Variants in GRIK1 observed in about 807,000 individuals in gnomAD.
GRIK1 encodes the protein glutamate ionotropic receptor kainate type subunit 1.
In GRIK1, 69 loss-of-function variants were observed where a neutral mutation model predicts 105.7. The ratio of observed to expected loss-of-function variants is 0.65; its 90% CI spans 0.54 to 0.80. The LOEUF is 0.80. Among genes scored for constraint, GRIK1 ranks in the 30% least tolerant of loss-of-function variants. The probability of loss-of-function intolerance (pLI) is 0.00; values close to 1 mark genes in which losing one functional copy is unlikely to be tolerated. For synonymous variants in GRIK1, 438 were observed against 431.3 expected (o/e 1.02, Z -0.19); for missense variants, 1,109 against 1,167.3 (o/e 0.95, Z 0.73).
chr21:29,644,647 G>A (rs75658509), intron 6 of GRIK1, among the ~76,000 whole-genome samples: 21,927 of 152,060 alleles, frequency 0.14, 1,618 homozygotes, highest in African/African-American at 0.17. Context: ...TAAGGCTCAT[G>A]GAAATTGACC....
chr21:29,906,287 G>A (rs1241892967), intron 1 of GRIK1, among the ~76,000 whole-genome samples: 1 of 152,114 alleles, frequency 6.6e-6, no homozygotes, highest in Non-Finnish European at 1.5e-5. Flanking sequence ...AAAAGAAACA[G>A]CTGAGAAAGC....
intron 16 of GRIK1, among the ~76,000 whole-genome samples, chr21:29,542,591 A>C (rs969494413): frequency 6.6e-6 from 1 of 152,240 alleles, no homozygotes; most frequent in Non-Finnish European, 1.5e-5. Context: ...AAACTAGACT[A>C]TATGGAATTG....
chr21:29,838,016 T>C (rs928798347), intron 1 of GRIK1, among the ~76,000 whole-genome samples: 5 of 152,166 alleles, frequency 3.3e-5, no homozygotes, highest in African/African-American at 1.2e-4. Flanking sequence ...AAGAGGAAGA[T>C]GGTTCAAAAA....
At chr21:29,832,977 A>G (rs1469762378) in intron 1 of GRIK1, among the ~76,000 whole-genome samples, 1 of 152,180 alleles carries the variant, frequency 6.6e-6, no homozygotes, top group Non-Finnish European at 1.5e-5. Flanking sequence ...GGTTGCTAGA[A>G]GCAGCCAGGT....
chr21:29,908,201 A>G (rs1441966239), intron 1 of GRIK1, among the ~76,000 whole-genome samples: 1 of 151,868 alleles, frequency 6.6e-6, no homozygotes, highest in African/African-American at 2.4e-5. Context: ...TGAGTTATGC[A>G]AATCTTACTC....
At chr21:29,836,760 T>C (rs1053943476) in intron 1 of GRIK1, among the ~76,000 whole-genome samples, 2 of 152,186 alleles carry the variant, frequency 1.3e-5, no homozygotes, top group Non-Finnish European at 2.9e-5. Context: ...TTCTAACGTG[T>C]CCATACCTTT....
chr21:29,634,886 A>T (rs2062363213), intron 7 of GRIK1, among the ~76,000 whole-genome samples: 1 of 152,216 alleles, frequency 6.6e-6, no homozygotes. Flanking sequence ...TGGTGGACAC[A>T]GGAAGCTATG....
At chr21:29,743,675 A>G (rs996736880) in intron 1 of GRIK1, among the ~76,000 whole-genome samples, 1 of 152,142 alleles carries the variant, frequency 6.6e-6, no homozygotes. Flanking sequence ...AGCGTGGGTG[A>G]TAGAGTGAGA....
intron 1 of GRIK1, among the ~76,000 whole-genome samples, chr21:29,934,812 T>G (rs915248442): frequency 1.2e-4 from 18 of 152,156 alleles, no homozygotes; most frequent in Admixed American, 1.1e-3. Flanking sequence ...TTGAGGTCTA[T>G]GTAATGTTAA....
chr21:29,662,934 A>C (rs1273138168), intron 4 of GRIK1, among the ~76,000 whole-genome samples: 1 of 152,144 alleles, frequency 6.6e-6, no homozygotes, highest in Non-Finnish European at 1.5e-5. Flanking sequence ...GGTGATACTT[A>C]TGTACAGCCA....
At chr21:29,622,194 G>T (rs561446890) in intron 7 of GRIK1, among the ~76,000 whole-genome samples, 1 of 152,020 alleles carries the variant, frequency 6.6e-6, no homozygotes, top group African/African-American at 2.4e-5. Flanking sequence ...TGATCCACCC[G>T]TCTCAGCCTC....
chr21:29,835,320 C>A (rs73343708), intron 1 of GRIK1, among the ~76,000 whole-genome samples: 1 of 152,116 alleles, frequency 6.6e-6, no homozygotes, highest in Non-Finnish European at 1.5e-5. Flanking sequence ...TGGGGCAGGT[C>A]GGAAAAGTGG....
chr21:29,939,205 G>C (rs1212820603), intron 1 of GRIK1, among the ~76,000 whole-genome samples, 178 bp downstream of exon 1: 6 of 152,168 alleles, frequency 3.9e-5, no homozygotes, highest in Non-Finnish European at 5.9e-5. Flanking sequence ...CACCCTCCAG[G>C]AGGGAAGCAG....
chr21:29,657,727 G>A, intron 4 of GRIK1: 1 of 152,194 alleles, frequency 6.6e-6, no homozygotes, highest in Non-Finnish European at 1.5e-5. Context: ...ACCAAAGGCG[G>A]TGCTTTTAAA....
intron 14 of GRIK1, among the ~76,000 whole-genome samples, chr21:29,574,292 A>G (rs1306990182): frequency 6.6e-6 from 1 of 152,172 alleles, no homozygotes; most frequent in African/African-American, 2.4e-5. Context: ...TTTTCAAAGA[A>G]CGGCACAGCC....
At chr21:29,676,007 A>C (rs1313566213) in intron 3 of GRIK1, among the ~76,000 whole-genome samples, 2 of 152,188 alleles carry the variant, frequency 1.3e-5, no homozygotes. Context: ...ACCAGCACAC[A>C]ATATTAAATC....
chr21:29,769,645 T>C (rs1055651325), intron 1 of GRIK1, among the ~76,000 whole-genome samples: 23 of 152,146 alleles, frequency 1.5e-4, no homozygotes, highest in Non-Finnish European at 3.4e-4. Context: ...TGGCCACTCA[T>C]CTCCTGTTGT....
intron 1 of GRIK1, among the ~76,000 whole-genome samples, chr21:29,889,380 C>A (rs530129851): frequency 4.6e-5 from 7 of 152,156 alleles, no homozygotes; most frequent in Admixed American, 3.3e-4. Flanking sequence ...AATTATAAGT[C>A]AAGAGTAAAT....
chr21:29,848,066 A>G (rs2068181578), intron 1 of GRIK1, among the ~76,000 whole-genome samples: 1 of 152,166 alleles, frequency 6.6e-6, no homozygotes, highest in Admixed American at 6.5e-5. Context: ...TATTATTATT[A>G]TTAAAAGTTT....
Sources: allele counts gnomAD v4.1 joint callset (sites outside exome capture counted in the v4.1 genomes callset), GRCh38; gene constraint gnomAD v4.1.1; transcripts MANE v1.5; gene names NCBI Gene and HGNC (gene_info 2026-07-23, HGNC 2026-07-21).